PIAS1: variants seen among roughly 807,000 people sequenced by gnomAD.
PIAS1 encodes E3 SUMO-protein ligase PIAS1.
Under a neutral mutation model 71.3 loss-of-function variants are expected in PIAS1, and 6 were observed. The ratio of observed to expected loss-of-function variants is 0.08; its 90% confidence interval spans 0.05 to 0.17. The LOEUF is 0.17. Among genes scored for constraint, PIAS1 ranks in the 10% least tolerant of loss-of-function variants. The probability of loss-of-function intolerance (pLI) is 1.00; values close to 1 mark genes in which losing one functional copy is unlikely to be tolerated. For missense variants in PIAS1, 555 were observed against 793.6 expected, an observed-to-expected ratio of 0.70 and a Z score of 3.61; for synonymous variants, 303 against 292.9, an observed-to-expected ratio of 1.03 and a Z score of -0.35.
intron 2 of PIAS1, among the ~76,000 whole-genome samples, chr15:68,117,144 G>C (rs963083706): frequency 6.6e-6 from 1 of 152,158 alleles, no homozygotes; most frequent in African/African-American, 2.4e-5. Context: ...CTGGAGTACA[G>C]TGGCATGATA....
chr15:68,174,735 GAAAAC>G lies in PIAS1; in HGVS notation c.1169+845_1169+849del, dbSNP rs370102308. On this transcript the variant is annotated intron_variant, in intron 9 of 13. Coordinates refer to ENST00000249636, the MANE Select transcript of PIAS1 (RefSeq NM_016166.3). The surrounding 1 kb of genome is among the most constrained non-coding windows in gnomAD (Gnocchi z 4.0). ...AAGGCAACTTACCTGTAGTATTTAA[GAAAAC>G]ATAGGAGCCTAAAGGTGGTAATATC... Among the ~76,000 whole-genome samples the G allele has an allele frequency of 1.3e-3, 194 of 152,170 alleles. No individual in the cohort carries two copies. Among genetic ancestry groups the G allele is most frequent in the African/African-American group, 4.5e-3 (185 of 41,498 alleles).
At chr15:68,063,400 T>G (rs925548829) in intron 1 of PIAS1, among the ~76,000 whole-genome samples, 1 of 152,198 alleles carries the variant, frequency 6.6e-6, no homozygotes, top group Non-Finnish European at 1.5e-5. Context: ...ATCATTCTGG[T>G]CTATGGGCTT....
chr15:68,054,425 C>A lies in PIAS1; in HGVS notation c.24+75C>A. 6.7e-7 allele frequency: 1 copy of A among 1,486,132 alleles called. No homozygotes were observed. Among genetic ancestry groups the A allele is most frequent in the Non-Finnish European group, 9.2e-7 (1 of 1,090,572 alleles). 92.1% of individuals were successfully genotyped at this position (1,486,132 alleles called of 1,614,324 possible). On this transcript the variant is annotated intron_variant, in intron 1 of 13. Transcript: ENST00000249636. This position sits in a 1 kb window ranked among gnomAD's most constrained non-coding sequence, Gnocchi z 4.6. The stretch of plus-strand genomic sequence containing the variant: ...CCGCTGCTGCCAGGGGGGATGGGTC[C>A]GACCCTGGGGGGCCTCTCGGGCCTG...
intron 2 of PIAS1, among the ~76,000 whole-genome samples, chr15:68,120,539 T>C (rs1239047250): frequency 6.6e-6 from 1 of 152,212 alleles, no homozygotes; most frequent in Non-Finnish European, 1.5e-5. Context: ...TATACGTCTT[T>C]AATTCGTCAC....
chr15:68,063,809 A>G (rs955047807), intron 1 of PIAS1, among the ~76,000 whole-genome samples: 14 of 152,284 alleles, frequency 9.2e-5, no homozygotes, highest in African/African-American at 2.4e-4. Flanking sequence ...GACATTTGCA[A>G]AATCAGTGGT....
intron 1 of PIAS1, among the ~76,000 whole-genome samples, chr15:68,056,549 A>G (rs1275792131): frequency 2.0e-5 from 3 of 151,776 alleles, no homozygotes; most frequent in South Asian, 2.1e-4. Flanking sequence ...TTCCTGTTGT[A>G]TAATTTTTCA....
At chr15:68,133,249 A>G (rs1375109945) in intron 2 of PIAS1, among the ~76,000 whole-genome samples, 4 of 152,122 alleles carry the variant, frequency 2.6e-5, no homozygotes, top group Non-Finnish European at 2.9e-5. Context: ...TAACTAATCT[A>G]TGATAGAAAT....
In PIAS1 at chr15:68,059,000, CTTTTTTTT is replaced by C. The variant is rs35348345; in HGVS notation, c.24+4665_24+4672del. On this transcript the variant is annotated intron_variant, in intron 1 of 13. Transcript: ENST00000249636. Reference sequence around the variant, plus strand: ...AACTAGTCCCTGTCAGATTATTCTACTTTTTTTTTTTTTTTTTTTTTTGAGACGGAGTC... The same window carrying C: ...AACTAGTCCCTGTCAGATTATTCTACTTTTTTTTTTTTTTGAGACGGAGTC... Among the ~76,000 whole-genome samples, 27 of 84,920 alleles carry C rather than the reference CTTTTTTTT, an allele frequency of 3.2e-4. 1 individual carries two copies. The highest frequency in any genetic ancestry group is 2.5e-3 in the South Asian group (6 of 2,378). 55.7% of individuals were successfully genotyped at this position (84,920 alleles called of 152,430 possible). A position where few individuals can be genotyped will look rare whatever the true frequency, so the allele number is the denominator to read the frequency against.
At chr15:68,132,485 A>AG (rs1188591071) in intron 2 of PIAS1, among the ~76,000 whole-genome samples, 9 of 152,014 alleles carry the variant, frequency 5.9e-5, no homozygotes, top group East Asian at 3.8e-4. Flanking sequence ...TAAAAAAAAA[A>AG]GGAAACTACA....
chr15:68,122,219 C>G (rs1452432146), intron 2 of PIAS1, among the ~76,000 whole-genome samples: 1 of 152,088 alleles, frequency 6.6e-6, no homozygotes, highest in Non-Finnish European at 1.5e-5. Context: ...GGGGAAGCAT[C>G]AAAGGGGAAA....
intron 2 of PIAS1, among the ~76,000 whole-genome samples, chr15:68,140,275 T>C (rs1181817271): frequency 6.6e-6 from 1 of 152,198 alleles, no homozygotes; most frequent in Non-Finnish European, 1.5e-5. Flanking sequence ...TAGAGAGTAA[T>C]ATGAATTTTT....
intron 2 of PIAS1, among the ~76,000 whole-genome samples, chr15:68,126,717 G>A (rs186047487): frequency 2.8e-3 from 432 of 152,204 alleles, no homozygotes; most frequent in Admixed American, 7.7e-3. Flanking sequence ...GAGCCACCGC[G>A]CCTGGCCTTG....
intron 7 of PIAS1, among the ~76,000 whole-genome samples, chr15:68,159,952 A>G (rs1487432022): frequency 6.6e-6 from 1 of 152,120 alleles, no homozygotes; most frequent in African/African-American, 2.4e-5. Flanking sequence ...AATGTGTGAG[A>G]TTTCAAGTGG....
chr15:68,110,971 T>TG (rs1433330716), intron 2 of PIAS1, among the ~76,000 whole-genome samples: 13 of 152,186 alleles, frequency 8.5e-5, no homozygotes, highest in Non-Finnish European at 1.6e-4. Flanking sequence ...AGTTATGATA[T>TG]GTACTTTCTC....
rs2093113401 is a variant in PIAS1 at position 68,190,336 on chromosome 15, T to C, written c.*2501T>C. ...TCCATCAGTTGTTGACTTTCCAAAATGTTGCATTAAGTAATAGTTGTCACT... is the reference window on the plus strand; with the variant it reads ...TCCATCAGTTGTTGACTTTCCAAAACGTTGCATTAAGTAATAGTTGTCACT... On this transcript the variant is annotated 3_prime_UTR_variant, in exon 14 of 14. Coordinates refer to ENST00000249636, the MANE Select transcript of PIAS1 (RefSeq NM_016166.3). The surrounding 1 kb of genome is among the most constrained non-coding windows in gnomAD (Gnocchi z 4.7). 6.6e-6 allele frequency: 1 copy of C among 152,202 alleles called. No individual in the cohort carries two copies. Among genetic ancestry groups the C allele is most frequent in the African/African-American group, 2.4e-5 (1 of 41,448 alleles). The allele number at this position is 152,202 out of a possible 1,614,324, so 9.4% of individuals were successfully genotyped here. A position where few individuals can be genotyped will look rare whatever the true frequency, so the allele number is the denominator to read the frequency against.
intron 9 of PIAS1, among the ~76,000 whole-genome samples, chr15:68,175,214 C>G (rs2093013918): frequency 6.6e-6 from 1 of 152,022 alleles, no homozygotes; most frequent in Non-Finnish European, 1.5e-5. Flanking sequence ...GGTATTTTAT[C>G]AAAGAGATTT....
chr15:68,059,841 G>A (rs1460835707), intron 1 of PIAS1, among the ~76,000 whole-genome samples: 1 of 152,100 alleles, frequency 6.6e-6, no homozygotes, highest in East Asian at 1.9e-4. Flanking sequence ...GTTTCCCAAA[G>A]TGTTGGGATT....
intron 2 of PIAS1, among the ~76,000 whole-genome samples, chr15:68,111,796 AG>A (rs1026270156): frequency 6.6e-6 from 1 of 152,276 alleles, no homozygotes; most frequent in Admixed American, 6.5e-5. Context: ...GAATAAACTA[AG>A]GGGGAATATT....
chr15:68,079,758 T>A (rs903726052), intron 1 of PIAS1, among the ~76,000 whole-genome samples: 1 of 143,724 alleles, frequency 7.0e-6, no homozygotes, highest in African/African-American at 2.6e-5. Flanking sequence ...GGATTACAGG[T>A]GTGAGCCACC....
Sources: allele counts gnomAD v4.1 joint callset (sites outside exome capture counted in the v4.1 genomes callset), GRCh38; gene constraint gnomAD v4.1.1; non-coding constraint Gnocchi (gnomAD v3.1); transcripts MANE v1.5; gene names NCBI Gene and HGNC (gene_info 2026-07-23, HGNC 2026-07-21).